ITFG2: variants seen among roughly 807,000 people sequenced by gnomAD.
ITFG2 encodes the protein KICSTOR complex protein ITFG2.
In ITFG2, 36 loss-of-function variants were observed where a neutral mutation model predicts 54.4. The ratio of observed to expected loss-of-function variants is 0.66; its 90% CI spans 0.51 to 0.87. The LOEUF is 0.87. Among genes scored for constraint, ITFG2 ranks in the 40% least tolerant of loss-of-function variants. ITFG2 has a pLI of 0.00. For missense variants in ITFG2, 524 were observed against 576.7 expected (o/e 0.91, Z 0.94); for synonymous variants, 211 against 225.4 (o/e 0.94, Z 0.57).
rs182927918 is a variant in ITFG2 at position 2,843,804 on chromosome 12, C to T, written n.300+2809C>T. 6.4e-3 allele frequency among the ~76,000 whole-genome samples: 949 copies of T among 149,082 alleles called. 48 individuals carry two copies. Among genetic ancestry groups the T allele is most frequent in the Middle Eastern group, 0.01 (3 of 292 alleles). On this transcript the variant is annotated intron_variant and non_coding_transcript_variant, in intron 2 of 3. Transcript: ENST00000537710. Reference sequence around the variant, plus strand: ...CTCCAGCCTGGGTGACAGAGCGAGACTCCATCTCAAAAAAAAAAAGTTCCA... The same window carrying T: ...CTCCAGCCTGGGTGACAGAGCGAGATTCCATCTCAAAAAAAAAAAGTTCCA...
At chr12:2,816,879 C>G (rs200869359) in intron 1 of ITFG2, among the ~76,000 whole-genome samples, 23,085 of 118,898 alleles carry the variant, frequency 0.19, 1,905 homozygotes, top group South Asian at 0.37. Context: ...TGAGCTCAAC[C>G]AACCAATCCA....
chr12:2,821,439 C>T, intron 7 of ITFG2, 80 bp downstream of exon 7: 2 of 1,553,542 alleles, frequency 1.3e-6, no homozygotes, highest in Non-Finnish European at 1.8e-6. Context: ...TAGCTTTCCC[C>T]TCATTTCGAG....
chr12:2,852,706 T>C (rs1227856940), intron 2 of ITFG2, among the ~76,000 whole-genome samples: 2 of 151,854 alleles, frequency 1.3e-5, no homozygotes, highest in Middle Eastern at 3.2e-3. Flanking sequence ...AGCCCACCTG[T>C]AAAATGGGGT....
upstream of ITFG2, among the ~76,000 whole-genome samples, chr12:2,832,529 C>T (rs2098008703): frequency 6.6e-6 from 1 of 151,988 alleles, no homozygotes; most frequent in Admixed American, 6.6e-5. Flanking sequence ...GTTTGAGATT[C>T]TGTGTACATC....
At chr12:2,827,443 G>A (rs2097973862), downstream of ITFG2, 25 of 1,526,524 alleles carry the variant, frequency 1.6e-5, no homozygotes, top group African/African-American at 2.8e-5. The surrounding 1 kb of genome is among the most constrained non-coding windows in gnomAD (Gnocchi z 4.0). Context: ...GACTCCTGTT[G>A]AAGGGGGTGA....
chr12:2,832,095 C>T (rs928543959), upstream of ITFG2, among the ~76,000 whole-genome samples: 7 of 152,072 alleles, frequency 4.6e-5, no homozygotes, highest in Non-Finnish European at 7.4e-5. Flanking sequence ...AACATCATTT[C>T]GAAGCCTCTT....
intron 5 of ITFG2, among the ~76,000 whole-genome samples, 186 bp from the exon 6 acceptor site, chr12:2,820,538 C>T (rs569381528): frequency 1.3e-5 from 2 of 152,124 alleles, no homozygotes; most frequent in East Asian, 3.9e-4. Context: ...AGGACGGTGC[C>T]AGGCAGGAGC....
At chr12:2,818,560 G>A (rs1349263129) in intron 4 of ITFG2, 1 of 459,162 alleles carries the variant, frequency 2.2e-6, no homozygotes, top group African/African-American at 2.0e-5. Flanking sequence ...CGCTTTGGGA[G>A]GCTGAGATGG....
exon 3 of ITFG2, chr12:2,858,314 C>T (rs1403193893): frequency 3.1e-6 from 1 of 321,934 alleles, no homozygotes; most frequent in African/African-American, 2.1e-5. Flanking sequence ...ACGGACCACC[C>T]TGCAAAGATC....
At chr12:2,853,302 T>A (rs528524741) in intron 2 of ITFG2, among the ~76,000 whole-genome samples, 11 of 151,888 alleles carry the variant, frequency 7.2e-5, no homozygotes, top group Non-Finnish European at 1.5e-4. Context: ...TTAAACAAAG[T>A]CTCGCTCTTG....
At chr12:2,847,202 A>G (rs1019718783) in intron 2 of ITFG2, among the ~76,000 whole-genome samples, 6 of 152,168 alleles carry the variant, frequency 3.9e-5, no homozygotes, top group Non-Finnish European at 7.3e-5. Flanking sequence ...AAAAAATTTT[A>G]ATGTGTAAAA....
At chr12:2,849,241 C>T in intron 2 of ITFG2, 2 of 1,535,812 alleles carry the variant, frequency 1.3e-6, no homozygotes, top group South Asian at 1.2e-5. Flanking sequence ...CTAGAAGTGT[C>T]CAGGTCTTCT....
intron 2 of ITFG2, among the ~76,000 whole-genome samples, chr12:2,847,301 T>C (rs2098055780): frequency 6.6e-6 from 1 of 152,192 alleles, no homozygotes; most frequent in Non-Finnish European, 1.5e-5. Context: ...TGTGCTGTCA[T>C]CACCACTGTC....
At chr12:2,830,950 TC>T, downstream of ITFG2, 10 of 1,383,596 alleles carry the variant, frequency 7.2e-6, no homozygotes, top group East Asian at 4.8e-5. Flanking sequence ...CCCAGGATGC[TC>T]CCCCCACCCC....
chr12:2,822,762 T>C (rs2097949763), intron 9 of ITFG2, 32 bp from the exon 10 acceptor site: 1 of 1,582,702 alleles, frequency 6.3e-7, no homozygotes, highest in African/African-American at 1.3e-5. Context: ...CCACAGCTCC[T>C]TTATGTTCCT....
chr12:2,859,116 G>C, intron 3 of ITFG2: 2 of 1,605,794 alleles, frequency 1.2e-6, no homozygotes, highest in Non-Finnish European at 1.7e-6. Flanking sequence ...GATGGGCAGC[G>C]TTTCCTTAAT....
chr12:2,829,832 C>T (rs1179112163), downstream of ITFG2, among the ~76,000 whole-genome samples: 1 of 148,246 alleles, frequency 6.7e-6, no homozygotes, highest in Non-Finnish European at 1.5e-5. Context: ...AATCCCAGCA[C>T]TTTGGGAGGC....
intron 2 of ITFG2, among the ~76,000 whole-genome samples, chr12:2,842,965 C>T (rs748362055): frequency 1.3e-5 from 2 of 148,828 alleles, no homozygotes; most frequent in Admixed American, 6.6e-5. Flanking sequence ...TTGTCATAGC[C>T]GTTCATGCCT....
intron 9 of ITFG2, 121 bp downstream of exon 9, chr12:2,821,913 G>C: frequency 1.5e-6 from 1 of 648,030 alleles, no homozygotes; most frequent in South Asian, 2.1e-5. Flanking sequence ...TTTAGTCTCT[G>C]TCTCTTTTTT....
Sources: gnomAD v4.1 joint callset for allele counts (sites outside exome capture counted in the v4.1 genomes callset) on GRCh38, gnomAD v4.1.1 for gene constraint, Gnocchi (gnomAD v3.1) non-coding constraint, MANE v1.5 for transcripts, NCBI Gene and HGNC (gene_info 2026-07-23, HGNC 2026-07-21) for gene names.